COBL: variants seen among roughly 807,000 people sequenced by gnomAD.
COBL encodes protein cordon-bleu.
COBL carries 51 observed loss-of-function variants against 98.8 expected under a neutral mutation model. The observed-to-expected ratio is 0.52, with a 90% CI of 0.41 to 0.65. The LOEUF (loss-of-function observed/expected upper bound fraction) is 0.65, where lower values mean the gene tolerates loss of function less well. COBL is among the 30% of genes least tolerant of loss of function. The pLI, the probability that COBL is intolerant of heterozygous loss-of-function variation, is 0.00. For synonymous variants in COBL, 634 were observed against 651.7 expected, an observed-to-expected ratio of 0.97 and a Z score of 0.41; for missense variants, 1,617 against 1,617.5, an observed-to-expected ratio of 1.00 and a Z score of 0.01.
intron 1 of COBL, among the ~76,000 whole-genome samples, chr7:51,268,936 A>C (rs1258775263): frequency 2.7e-5 from 4 of 150,494 alleles, no homozygotes; most frequent in Admixed American, 2.0e-4. Context: ...TCTCAATAAA[A>C]AAAAAAAAAA....
At chr7:51,279,885 CTTCT>C (rs1799659243) in intron 1 of COBL, among the ~76,000 whole-genome samples, 1 of 152,254 alleles carries the variant, frequency 6.6e-6, no homozygotes, top group Non-Finnish European at 1.5e-5. Flanking sequence ...TTCAGATTGG[CTTCT>C]TTCACTTGGT....
rs1024411818 is a variant in COBL at position 51,028,820 on chromosome 7, G to C, written c.2276C>G (p.Ala759Gly). 2.5e-6 allele frequency: 4 copies of C among 1,614,116 alleles called. No individual in the cohort carries two copies. The Admixed American group carries it at 6.7e-5, about 27-fold the overall frequency. ...GACTTTCCCAATGGGCTGAGATTCT[G>C]CTTCAGGCACAGACGAAGACAGGGA... Reference protein sequence around the residue: ...IISLSSSVPEAESQPIGKVRE... With the variant: ...IISLSSSVPEGESQPIGKVRE... The change falls in exon 10 of 13, where the codon GCA (alanine) becomes GGA (glycine). Residue 759 changes from alanine (A) to glycine (G), a missense_variant. Around this residue, in one of 3 missense-constraint regions of COBL, gnomAD observed 1,304 missense variants for 1,282.0 expected, o/e 1.02. Transcript: ENST00000265136.
At chr7:51,154,564 G>A (rs1785914663) in intron 5 of COBL, among the ~76,000 whole-genome samples, 3 of 152,192 alleles carry the variant, frequency 2.0e-5, no homozygotes, top group Non-Finnish European at 4.4e-5. Flanking sequence ...ATCAGCCTCT[G>A]TACGAATAAC....
At chr7:51,150,485 T>C (rs528169249) in intron 5 of COBL, among the ~76,000 whole-genome samples, 2 of 152,286 alleles carry the variant, frequency 1.3e-5, no homozygotes, top group South Asian at 4.1e-4. Context: ...CCGTGAATCA[T>C]CATCATTATT....
At chr7:51,094,449 G>A (rs1422149419) in intron 6 of COBL, among the ~76,000 whole-genome samples, 3 of 151,996 alleles carry the variant, frequency 2.0e-5, no homozygotes, top group Non-Finnish European at 4.4e-5. Flanking sequence ...TTTTGACAAT[G>A]CATACATAGA....
At chr7:51,067,208 A>G (rs1351923716) in intron 7 of COBL, among the ~76,000 whole-genome samples, 1 of 152,168 alleles carries the variant, frequency 6.6e-6, no homozygotes, top group Non-Finnish European at 1.5e-5. Context: ...ACGTGCAGGC[A>G]CACACACACA....
chr7:51,147,227 A>G (rs987184342), intron 5 of COBL, among the ~76,000 whole-genome samples: 3 of 152,216 alleles, frequency 2.0e-5, no homozygotes, highest in African/African-American at 7.2e-5. Context: ...GAACCTGCCC[A>G]TGGCCATCCA....
chr7:51,288,956 A>G (rs1800641153), intron 1 of COBL, among the ~76,000 whole-genome samples: 2 of 152,170 alleles, frequency 1.3e-5, no homozygotes, highest in Non-Finnish European at 1.5e-5. Flanking sequence ...TTAAAACTGT[A>G]AAGAACAATA....
intron 2 of COBL, among the ~76,000 whole-genome samples, chr7:51,203,359 G>A (rs1791336703): frequency 7.3e-6 from 1 of 137,830 alleles, no homozygotes; most frequent in African/African-American, 3.0e-5. Flanking sequence ...CTACTCGGGA[G>A]GCTGAGGCAG....
chr7:51,176,490 G>C (rs1241623940), intron 5 of COBL, among the ~76,000 whole-genome samples: 1 of 151,952 alleles, frequency 6.6e-6, no homozygotes, highest in East Asian at 1.9e-4. Context: ...TCAGTTGATT[G>C]AATCTCTTTC....
chr7:51,047,339 C>T (rs1789812727), intron 7 of COBL, among the ~76,000 whole-genome samples: 1 of 152,156 alleles, frequency 6.6e-6, no homozygotes, highest in Admixed American at 6.5e-5. Context: ...TCCCATGGTT[C>T]AGAGGCCATT....
intron 8 of COBL, among the ~76,000 whole-genome samples, chr7:51,040,343 C>T (rs1173061383): frequency 1.3e-5 from 2 of 152,028 alleles, no homozygotes; most frequent in Non-Finnish European, 2.9e-5. Flanking sequence ...GGCAAATAAC[C>T]CAGCATCACA....
At chr7:51,090,832 A>C (rs561469489) in intron 6 of COBL, among the ~76,000 whole-genome samples, 1 of 152,376 alleles carries the variant, frequency 6.6e-6, no homozygotes, top group East Asian at 1.9e-4. Flanking sequence ...GGATGACTGA[A>C]GGCTTTAGAA....
intron 2 of COBL, among the ~76,000 whole-genome samples, chr7:51,197,594 C>A (rs1280883322): frequency 1.3e-5 from 2 of 152,044 alleles, no homozygotes; most frequent in Non-Finnish European, 2.9e-5. Flanking sequence ...TCTTTATGGT[C>A]TAATATTGTC....
chr7:51,023,163 T>C (rs1183426574), intron 12 of COBL, among the ~76,000 whole-genome samples: 1 of 152,214 alleles, frequency 6.6e-6, no homozygotes, highest in Non-Finnish European at 1.5e-5. Context: ...CAACAGAATT[T>C]GTGCTCATTT....
chr7:51,297,314 T>C (rs867679328), intron 1 of COBL, among the ~76,000 whole-genome samples: 1 of 152,112 alleles, frequency 6.6e-6, no homozygotes, highest in Non-Finnish European at 1.5e-5. Flanking sequence ...AACTGTGGCA[T>C]GTGATCACCT....
rs775318103 is a variant in COBL, at chr7:51,026,528, A to C, written c.3504+18T>G. On this transcript the variant is annotated intron_variant, in intron 11 of 12. Transcript: ENST00000265136. ...GGGTTTGAGCTCCTGGCGCCATGGA[A>C]GGCCCTTCACCTCTTACCTTCCTCA... The C allele has an allele frequency of 4.0e-5, 64 of 1,612,136 alleles. No individual in the cohort carries two copies. The highest frequency in any genetic ancestry group is 5.3e-5 in the Non-Finnish European group (63 of 1,178,998).
At chr7:51,175,565 CA>C (rs1788286318) in intron 5 of COBL, among the ~76,000 whole-genome samples, 1 of 152,226 alleles carries the variant, frequency 6.6e-6, no homozygotes, top group South Asian at 2.1e-4. Context: ...GGACATACCA[CA>C]ACATTTATTT....
chr7:51,195,459 G>T (rs1790506493), intron 2 of COBL, among the ~76,000 whole-genome samples: 1 of 152,142 alleles, frequency 6.6e-6, no homozygotes, highest in African/African-American at 2.4e-5. Flanking sequence ...GATGCCTCCA[G>T]CTTTGTTCTT....
Sources: allele counts gnomAD v4.1 joint callset (sites outside exome capture counted in the v4.1 genomes callset), GRCh38; gene constraint gnomAD v4.1.1; regional missense constraint gnomAD v4.1.1; transcripts MANE v1.5; gene names NCBI Gene and HGNC (gene_info 2026-07-23, HGNC 2026-07-21).